Variants in TFDP2 observed in about 807,000 individuals in gnomAD.
TFDP2 encodes the protein transcription factor Dp-2.
TFDP2 carries 17 observed loss-of-function variants against 59.3 expected under a neutral mutation model. The ratio of observed to expected loss-of-function variants is 0.29; its 90% CI spans 0.20 to 0.43. The LOEUF (loss-of-function observed/expected upper bound fraction) is 0.43. Ranked by LOEUF, TFDP2 falls within the 20% of genes least tolerant of loss-of-function variation. The probability of loss-of-function intolerance (pLI) is 1.00; values close to 1 mark genes in which losing one functional copy is unlikely to be tolerated. For missense variants in TFDP2, 391 were observed against 528.8 expected, an observed-to-expected ratio of 0.74 and a Z score of 2.56; for synonymous variants, 180 against 194.7, an observed-to-expected ratio of 0.92 and a Z score of 0.63.
chr3:142,028,788 C>A, intron 3 of TFDP2: 1 of 900,356 alleles, frequency 1.1e-6, no homozygotes. Context: ...CTGTTTACAA[C>A]AAAGACATCT....
intron 10 of TFDP2, among the ~76,000 whole-genome samples, chr3:141,962,579 G>A (rs1007531493): frequency 2.0e-5 from 3 of 151,992 alleles, no homozygotes; most frequent in African/African-American, 4.8e-5. Context: ...GGCTGGTCTC[G>A]AACTCCTGAT....
chr3:142,029,528 G>C (rs1419471831), intron 3 of TFDP2, among the ~76,000 whole-genome samples: 3 of 151,954 alleles, frequency 2.0e-5, no homozygotes, highest in Non-Finnish European at 2.9e-5. Flanking sequence ...TCCTAGGCAG[G>C]AAGCTGAACA....
chr3:142,109,300 A>C (rs2061570420), intron 1 of TFDP2, among the ~76,000 whole-genome samples: 3 of 152,080 alleles, frequency 2.0e-5, no homozygotes, highest in Admixed American at 2.0e-4. Context: ...CAGACATTTA[A>C]CACATCACAC....
At chr3:142,041,814 C>T (rs535263059) in intron 3 of TFDP2, among the ~76,000 whole-genome samples, 1 of 152,266 alleles carries the variant, frequency 6.6e-6, no homozygotes, top group South Asian at 2.1e-4. Flanking sequence ...GGTCTATGAT[C>T]CCTTTTGAGT....
intron 3 of TFDP2, among the ~76,000 whole-genome samples, chr3:142,031,191 T>C (rs558676345): frequency 1.3e-5 from 2 of 152,354 alleles, no homozygotes; most frequent in African/African-American, 4.8e-5. Context: ...ATGTGATAAC[T>C]GAGGTCAAGT....
chr3:142,058,448 G>A (rs1392199441), intron 3 of TFDP2, among the ~76,000 whole-genome samples: 1 of 151,664 alleles, frequency 6.6e-6, no homozygotes, highest in African/African-American at 2.4e-5. Context: ...CAGACTAAGA[G>A]GTCAGTCCCA....
chr3:142,086,433 A>G (rs1276315595), intron 3 of TFDP2, among the ~76,000 whole-genome samples: 1 of 152,202 alleles, frequency 6.6e-6, no homozygotes, highest in Non-Finnish European at 1.5e-5. Flanking sequence ...GGGGTTCCTC[A>G]AACTCCCTAC....
intron 3 of TFDP2, among the ~76,000 whole-genome samples, chr3:142,042,630 C>CTTTTTTTTTTTTTTTTTTTTT (rs66981475): frequency 5.5e-5 from 6 of 108,222 alleles, no homozygotes; most frequent in Admixed American, 1.0e-4. Flanking sequence ...CTTTTCTTTT[C>CTTTTTTTTTTTTTTTTTTTTT]TTTTTTTTTT....
At chr3:142,128,426 G>C (rs115163871) in intron 1 of TFDP2, among the ~76,000 whole-genome samples, 1 of 152,170 alleles carries the variant, frequency 6.6e-6, no homozygotes, top group African/African-American at 2.4e-5. Flanking sequence ...ATCCCTCTGC[G>C]AGGGAAAGTG....
chr3:141,954,635 AAAAAAAAC>A (rs1438509196), intron 11 of TFDP2, among the ~76,000 whole-genome samples: 1 of 151,364 alleles, frequency 6.6e-6, no homozygotes, highest in African/African-American at 2.4e-5. Flanking sequence ...AAAAAAAACA[AAAAAAAAC>A]AAAAAAACAA....
intron 6 of TFDP2, among the ~76,000 whole-genome samples, chr3:141,980,609 C>G (rs1941383333): frequency 6.6e-6 from 1 of 152,106 alleles, no homozygotes; most frequent in Non-Finnish European, 1.5e-5. Flanking sequence ...GTGGTATGAT[C>G]TCAGCTCACT....
At chr3:142,016,358 G>A (rs1222881532) in intron 3 of TFDP2, among the ~76,000 whole-genome samples, 1 of 146,760 alleles carries the variant, frequency 6.8e-6, no homozygotes, top group Non-Finnish European at 1.5e-5. Flanking sequence ...GAGTGCAGTG[G>A]TGCGATCTCA....
intron 1 of TFDP2, among the ~76,000 whole-genome samples, chr3:142,122,750 G>A (rs2062093836): frequency 6.6e-6 from 1 of 152,126 alleles, no homozygotes; most frequent in South Asian, 2.1e-4. Flanking sequence ...AGGGCCAAGG[G>A]CAATTCCCAA....
rs578060458 is a variant in TFDP2, at chr3:141,968,328, AATAT to A, written c.732+1741_732+1744del. On this transcript the variant is annotated intron_variant, in intron 9 of 12. Transcript: ENST00000489671. ...ATATATATAACTATATATAACATATAATATATATAATATATAACTATATATAACA... is the reference window on the plus strand; with the variant it reads ...ATATATATAACTATATATAACATATAATATAATATATAACTATATATAACA... 5.6e-4 allele frequency among the ~76,000 whole-genome samples: 60 copies of A among 106,282 alleles called. 3 individuals are homozygous for A. The highest frequency in any genetic ancestry group is 5.1e-3 in the Middle Eastern group (1 of 196). 69.7% of individuals were successfully genotyped at this position (106,282 alleles called of 152,430 possible).
chr3:142,144,517 A>T (rs572715005), intron 1 of TFDP2, among the ~76,000 whole-genome samples: 61 of 152,334 alleles, frequency 4.0e-4, no homozygotes, highest in African/African-American at 1.4e-3. Flanking sequence ...GAAAGAAAAT[A>T]CTTAGTTATT....
intron 3 of TFDP2, among the ~76,000 whole-genome samples, chr3:142,050,196 G>A (rs560951427): frequency 5.0e-4 from 75 of 151,094 alleles, no homozygotes; most frequent in African/African-American, 1.6e-3. Flanking sequence ...CCCAGGAGGC[G>A]GAGCTTGCAG....
intron 3 of TFDP2, among the ~76,000 whole-genome samples, chr3:142,065,551 G>A (rs750226383): frequency 5.9e-5 from 9 of 151,282 alleles, no homozygotes; most frequent in Non-Finnish European, 1.0e-4. Context: ...TCACGCTGTC[G>A]CCTAGGCTGG....
intron 3 of TFDP2, among the ~76,000 whole-genome samples, chr3:142,081,041 T>C (rs568027467): frequency 6.6e-6 from 1 of 152,340 alleles, no homozygotes; most frequent in Admixed American, 6.5e-5. Flanking sequence ...ACACATTCTT[T>C]TCTTCAGCAC....
chr3:142,034,135 G>T (rs886318524), intron 3 of TFDP2, among the ~76,000 whole-genome samples: 1 of 122,702 alleles, frequency 8.1e-6, no homozygotes. Context: ...TGCTCCTGTT[G>T]CCCAGGCTGG....
Sources: allele counts gnomAD v4.1 joint callset (sites outside exome capture counted in the v4.1 genomes callset), GRCh38; gene constraint gnomAD v4.1.1; transcripts MANE v1.5; gene names NCBI Gene and HGNC (gene_info 2026-07-23, HGNC 2026-07-21).